Variants in PTPN3 observed in about 807,000 individuals in gnomAD.
PTPN3 encodes the protein tyrosine-protein phosphatase non-receptor type 3.
Under a neutral mutation model 132.7 loss-of-function variants are expected in PTPN3, and 96 were observed. That is an observed-to-expected ratio of 0.72 (90% CI 0.61 to 0.86). The LOEUF is 0.86. PTPN3 is among the 40% of genes least tolerant of loss of function. The pLI is 0.00. For synonymous variants in PTPN3, 398 were observed against 429.0 expected, an observed-to-expected ratio of 0.93 and a Z score of 0.89; for missense variants, 1,125 against 1,159.6, an observed-to-expected ratio of 0.97 and a Z score of 0.43.
At chr9:109,425,869 C>T (rs1490474943) in intron 12 of PTPN3, among the ~76,000 whole-genome samples, 1 of 151,758 alleles carries the variant, frequency 6.6e-6, no homozygotes, top group Admixed American at 6.6e-5. Flanking sequence ...CAAAAATTAG[C>T]CAGGCGTGGT....
the PTPN3 span, among the ~76,000 whole-genome samples, chr9:109,510,588 T>A: frequency 4.9e-5 from 6 of 122,394 alleles, no homozygotes; most frequent in African/African-American, 1.8e-4. Context: ...TATATATATA[T>A]ATATATATAT....
At chr9:109,401,890 TC>T (rs1841146064) in intron 19 of PTPN3, among the ~76,000 whole-genome samples, 1 of 151,908 alleles carries the variant, frequency 6.6e-6, no homozygotes, top group Non-Finnish European at 1.5e-5. Context: ...TCTCCTGGAG[TC>T]CCCTCACCTC....
upstream of PTPN3, among the ~76,000 whole-genome samples, chr9:109,502,920 T>G (rs1019581648): frequency 1.3e-5 from 2 of 152,162 alleles, no homozygotes; most frequent in Admixed American, 6.5e-5. Flanking sequence ...ATATTATTGG[T>G]GGTGTGTCTG....
At chr9:109,386,587 G>A (rs569995279) in intron 22 of PTPN3, among the ~76,000 whole-genome samples, 1 of 152,294 alleles carries the variant, frequency 6.6e-6, no homozygotes, top group African/African-American at 2.4e-5. Flanking sequence ...TCTCAGTATT[G>A]AAGGACGAGG....
chr9:109,399,418 C>G (rs1840872915), intron 19 of PTPN3, among the ~76,000 whole-genome samples: 1 of 152,178 alleles, frequency 6.6e-6, no homozygotes, highest in Admixed American at 6.5e-5. Context: ...TTTTCGTTTT[C>G]TCCATCTGTA....
chr9:109,418,467 G>A (rs1469174338), intron 14 of PTPN3, among the ~76,000 whole-genome samples: 1 of 152,240 alleles, frequency 6.6e-6, no homozygotes, highest in Admixed American at 6.5e-5. Context: ...TGGGTGAGTG[G>A]TGTGGAGCGC....
chr9:109,488,258 C>T (rs1053224158), intron 1 of PTPN3, among the ~76,000 whole-genome samples: 1 of 151,956 alleles, frequency 6.6e-6, no homozygotes, highest in Non-Finnish European at 1.5e-5. Context: ...CCCACCAGCA[C>T]TGTGTAATTT....
intron 16 of PTPN3, among the ~76,000 whole-genome samples, chr9:109,409,079 G>A (rs1841864374): frequency 6.6e-6 from 1 of 152,010 alleles, no homozygotes; most frequent in African/African-American, 2.4e-5. Context: ...AAGGGCCAGA[G>A]AGGCTTTGTG....
chr9:109,430,011 C>G (rs575990190), intron 10 of PTPN3, among the ~76,000 whole-genome samples: 1 of 152,142 alleles, frequency 6.6e-6, no homozygotes, highest in Non-Finnish European at 1.5e-5. Flanking sequence ...TAGATATTAC[C>G]TAATACACAT....
chr9:109,404,612 T>C lies in PTPN3; in HGVS notation c.1793-4A>G. 1 of 1,518,586 alleles carries C rather than the reference T, an allele frequency of 6.6e-7. No homozygotes were observed. Among genetic ancestry groups the C allele is most frequent in the Non-Finnish European group, 8.9e-7 (1 of 1,118,608 alleles). The allele number at this position is 1,518,586 out of a possible 1,614,324, so 94.1% of individuals were successfully genotyped here. A position where few individuals can be genotyped will look rare whatever the true frequency, so the allele number is the denominator to read the frequency against. On this transcript the variant is annotated splice_polypyrimidine_tract_variant and splice_region_variant and intron_variant, in intron 18 of 25. Coordinates refer to ENST00000374541, the MANE Select transcript of PTPN3 (RefSeq NM_002829.4). Reference sequence around the variant, plus strand: ...AAGTCAGCAAATGAGCGGACAGCTGTAACGTACAAGACAGTGCATCTGACT... The same window carrying C: ...AAGTCAGCAAATGAGCGGACAGCTGCAACGTACAAGACAGTGCATCTGACT...
chr9:109,463,047 C>A (rs1160062452), intron 2 of PTPN3, among the ~76,000 whole-genome samples: 1 of 150,682 alleles, frequency 6.6e-6, no homozygotes, highest in Non-Finnish European at 1.5e-5. Context: ...TGAGGACTTC[C>A]CAGAAGCACC....
chr9:109,384,096 T>C (rs900881312), intron 22 of PTPN3, among the ~76,000 whole-genome samples: 1 of 152,166 alleles, frequency 6.6e-6, no homozygotes, highest in Non-Finnish European at 1.5e-5. Flanking sequence ...CTGATTTTCA[T>C]GTTTTCCACC....
chr9:109,473,559 T>C (rs1846484470), intron 1 of PTPN3, among the ~76,000 whole-genome samples: 1 of 152,108 alleles, frequency 6.6e-6, no homozygotes, highest in Admixed American at 6.5e-5. Flanking sequence ...CCGCGGGCAG[T>C]TTCGGGAAAG....
chr9:109,465,337 G>A (rs1846044141), intron 1 of PTPN3, among the ~76,000 whole-genome samples: 1 of 152,200 alleles, frequency 6.6e-6, no homozygotes, highest in Non-Finnish European at 1.5e-5. Context: ...AGCACTTTGG[G>A]AGGCCGAAGC....
chr9:109,383,282 T>C (rs1004222066), intron 23 of PTPN3, 141 bp downstream of exon 23: 4 of 1,455,196 alleles, frequency 2.7e-6, no homozygotes, highest in Non-Finnish European at 3.8e-6. Context: ...CCCTGGCTCT[T>C]TGATGGGCAG....
At chr9:109,420,645 C>T in intron 13 of PTPN3, 45 bp from the exon 14 acceptor site, 2 of 1,556,632 alleles carry the variant, frequency 1.3e-6, no homozygotes, top group South Asian at 1.2e-5. Context: ...AAGCAAATTC[C>T]ACTTAAAAAT....
chr9:109,526,272 A>G, the PTPN3 span, among the ~76,000 whole-genome samples: 1 of 152,300 alleles, frequency 6.6e-6, no homozygotes, highest in East Asian at 1.9e-4. Context: ...CACAATATTG[A>G]TAAGATATTA....
At chr9:109,420,195 CTT>C (rs776429591) in intron 14 of PTPN3, among the ~76,000 whole-genome samples, 2 of 152,188 alleles carry the variant, frequency 1.3e-5, no homozygotes, top group Non-Finnish European at 2.9e-5. Context: ...ACTAGGAAGT[CTT>C]TGTCGTGGAC....
At position 109,420,532 on chromosome 9, in the gene PTPN3, T is replaced by C; in HGVS notation, c.1205A>G (p.Glu402Gly). 1 of 1,613,452 alleles carries C rather than the reference T, an allele frequency of 6.2e-7. No homozygotes were observed. ...TTCCGTTTCCGTGATGTAGGTCATT[T>C]CATTTGCAAGGTTATCTGCAGAAGA... ...RHSSADNLAN[E>G]MTYITETEDV... The change falls in exon 14 of 26, where the codon GAA becomes GGA. Residue 402 changes from glutamate to glycine, a missense_variant. Transcript: ENST00000374541.
Sources: gnomAD v4.1 joint callset for allele counts (sites outside exome capture counted in the v4.1 genomes callset) on GRCh38, gnomAD v4.1.1 for gene constraint, MANE v1.5 for transcripts, NCBI Gene and HGNC (gene_info 2026-07-23, HGNC 2026-07-21) for gene names.